The following TMEM143 variants were observed in gnomAD, a reference collection of about 807,000 sequenced individuals.
The protein encoded by TMEM143 is transmembrane protein 143.
In TMEM143, 45 loss-of-function variants were observed where a neutral mutation model predicts 40.3. The observed-to-expected ratio is 1.12, with a 90% CI of 0.88 to 1.43. The LOEUF (loss-of-function observed/expected upper bound fraction) is 1.43, where lower values mean the gene tolerates loss of function less well. Among genes scored for constraint, TMEM143 ranks in the 40% most tolerant of loss-of-function variants. The pLI is 0.00. For synonymous variants in TMEM143, 299 were observed against 282.7 expected, an observed-to-expected ratio of 1.06 and a Z score of -0.58; for missense variants, 620 against 613.4, an observed-to-expected ratio of 1.01 and a Z score of -0.11.
At chr19:48,348,025 CAAA>C (rs556686693) in intron 3 of TMEM143, among the ~76,000 whole-genome samples, 10 of 103,268 alleles carry the variant, frequency 9.7e-5, no homozygotes, top group Admixed American at 1.1e-4. Context: ...GACCCTGTCT[CAAA>C]AAAAAAAAAA....
At chr19:48,360,221 T>A in intron 2 of TMEM143, 45 bp from the exon 3 acceptor site, 4 of 1,573,064 alleles carry the variant, frequency 2.5e-6, no homozygotes, top group Non-Finnish European at 3.5e-6. Flanking sequence ...CTTTTCCCCT[T>A]CCCCGAGGGA....
intron 3 of TMEM143, among the ~76,000 whole-genome samples, chr19:48,359,700 G>A (rs1041503734): frequency 4.6e-5 from 7 of 151,866 alleles, no homozygotes; most frequent in African/African-American, 1.7e-4. Flanking sequence ...GTAGAGACGA[G>A]GTTTCACCGT....
chr19:48,363,666 C>A, intron 1 of TMEM143, 135 bp from the exon 2 acceptor site: 1 of 1,419,054 alleles, frequency 7.0e-7, no homozygotes, highest in Admixed American at 2.7e-5. Flanking sequence ...CTCAAAGCCC[C>A]TGTTGCCTGT....
Position 48,360,222 on chromosome 19 carries a change from C to T in TMEM143, c.265-46G>A, listed in dbSNP as rs367966921. The T allele has an allele frequency of 1.3e-4, 205 of 1,572,898 alleles. No homozygotes were observed. The African/African-American group carries it at 2.6e-3, about 20-fold the overall frequency. On this transcript the variant is annotated intron_variant, in intron 2 of 7. Coordinates refer to ENST00000293261, the MANE Select transcript of TMEM143 (RefSeq NM_018273.4). Reference sequence around the variant, plus strand: ...ACTTCTCTGTAGGCCTTTTCCCCTTCCCCGAGGGAAAGAATTCTTTCCCTG... The same window carrying T: ...ACTTCTCTGTAGGCCTTTTCCCCTTTCCCGAGGGAAAGAATTCTTTCCCTG...
rs1600904790 is a variant in TMEM143 at position 48,343,335 on chromosome 19, C to T, written c.681G>A (p.Leu227=). Reference sequence around the variant, plus strand: ...GGCCGCCTCACCTCTCCGCAGGGGGCAGCTTGGTGAAGAAGCCACGCCTGG... The same window carrying T: ...GGCCGCCTCACCTCTCCGCAGGGGGTAGCTTGGTGAAGAAGCCACGCCTGG... ...VGSRRGFFTK[L]PPAERRYFKR... is the part of the protein sequence containing the mutation. Residue 227 remains leucine, a synonymous_variant, in exon 5 of 8, where the codon CTG becomes CTA. Transcript: ENST00000293261. The T allele has an allele frequency of 3.1e-6, 5 of 1,610,882 alleles. No homozygotes were observed. The highest frequency in any genetic ancestry group is 4.5e-5 in the East Asian group (2 of 44,858).
At position 48,341,720 on chromosome 19, in the gene TMEM143, C is replaced by T. The variant is rs1470477244; in HGVS notation, c.975+810G>A. The stretch of plus-strand genomic sequence containing the variant: ...GCTGAGACACAGAGAGGTTAAGCAA[C>T]TTGTTCAAGATCACACAGCGAGAAG... On this transcript the variant is annotated intron_variant, in intron 6 of 7. Transcript: ENST00000293261. Among the ~76,000 whole-genome samples the T allele has an allele frequency of 5.9e-5, 9 of 152,242 alleles. 1 individual carries two copies. The East Asian group carries it at 1.7e-3, about 30-fold the overall frequency.
In TMEM143 at chr19:48,363,322, G is replaced by A; in HGVS notation, c.233C>T (p.Ser78Phe). The A allele has an allele frequency of 6.2e-7, 1 of 1,614,164 alleles. No homozygotes were observed. The highest frequency in any genetic ancestry group is 8.5e-7 in the Non-Finnish European group (1 of 1,180,022). ...TAGGAGGCGGAGCAGCTGCTCCTTG[G>A]AGAAGGGAATGAAGCGCTCGCGGTA... is the stretch of plus-strand genomic sequence containing the variant. ...QQYRERFIPF[S>F]KEQLLRLLIQ... The change falls in exon 2 of 8, where the codon TCC (serine) becomes TTC (phenylalanine). Residue 78 changes from serine to phenylalanine, a missense_variant. Physicochemically the swap from Ser to Phe is radical, Grantham distance 155. Transcript: ENST00000293261.
rs1270138138 is a variant in TMEM143, at chr19:48,345,170, T to C, written c.554A>G (p.Asp185Gly). The part of the protein sequence containing the change: ...AYALVVHHPQ[D>G]EVQVTVNLDQ... ...TAGGGAGCCAAGTACCTGGACCTCA[T>C]CCTGAGGGTGGTGGACCACCAGCGC... The change falls in exon 4 of 8, where the codon GAT (aspartate) becomes GGT (glycine). Residue 185 changes from aspartate (D) to glycine (G), a missense_variant. By Grantham distance (94) the Asp-to-Gly change is moderately conservative. Coordinates refer to ENST00000293261, the MANE Select transcript of TMEM143 (RefSeq NM_018273.4). The C allele has an allele frequency of 6.2e-7, 1 of 1,613,104 alleles. No homozygotes were observed. The highest frequency in any genetic ancestry group is 8.5e-7 in the Non-Finnish European group (1 of 1,179,562).
chr19:48,352,262 A>AAAACAAAACAAAAAAAAAAAAAAAAAAC (rs74518287), intron 3 of TMEM143, among the ~76,000 whole-genome samples: 1 of 145,062 alleles, frequency 6.9e-6, no homozygotes, highest in African/African-American at 2.6e-5. Context: ...AAAAAAAAAA[A>AAAACAAAACAAAAAAAAAAAAAAAAAAC]CACCATATCT....
chr19:48,332,751 T>C lies in TMEM143; in HGVS notation c.*468A>G, dbSNP rs1295634633. 6.5e-6 allele frequency: 1 copy of C among 153,728 alleles called. No homozygotes were observed. Among genetic ancestry groups the C allele is most frequent in the Middle Eastern group, 3.1e-3 (1 of 320 alleles). The allele number at this position is 153,728 out of a possible 1,614,324, so 9.5% of individuals were successfully genotyped here. On this transcript the variant is annotated 3_prime_UTR_variant, in exon 8 of 8. Coordinates refer to ENST00000293261, the MANE Select transcript of TMEM143 (RefSeq NM_018273.4). ...GTTGATGGAACCCAGCAGCTGTCACTGGACGTTTGCCAGGAGGCAGGGCTA... is the reference window on the plus strand; with the variant it reads ...GTTGATGGAACCCAGCAGCTGTCACCGGACGTTTGCCAGGAGGCAGGGCTA...
intron 3 of TMEM143, among the ~76,000 whole-genome samples, chr19:48,353,251 C>T (rs1969815101): frequency 1.3e-5 from 2 of 150,194 alleles, no homozygotes; most frequent in South Asian, 4.2e-4. Flanking sequence ...GTGATCTCGG[C>T]TCACTGCAAC....
chr19:48,338,036 C>CT (rs373297593), intron 6 of TMEM143, among the ~76,000 whole-genome samples: 3 of 110,904 alleles, frequency 2.7e-5, no homozygotes, highest in African/African-American at 1.1e-4. Context: ...CCCTTCAGCA[C>CT]TACCGCTGCC....
At chr19:48,354,427 G>A (rs983735447) in intron 3 of TMEM143, among the ~76,000 whole-genome samples, 1 of 151,620 alleles carries the variant, frequency 6.6e-6, no homozygotes, top group East Asian at 1.9e-4. Flanking sequence ...ACCACACCCA[G>A]CTAATTTTTG....
At chr19:48,341,335 T>A (rs1349875647) in intron 6 of TMEM143, among the ~76,000 whole-genome samples, 2 of 152,154 alleles carry the variant, frequency 1.3e-5, no homozygotes, top group Non-Finnish European at 2.9e-5. Flanking sequence ...TGTGCAACTG[T>A]TCAAGGCAGC....
intron 6 of TMEM143, among the ~76,000 whole-genome samples, chr19:48,336,564 G>A (rs1288667670): frequency 6.6e-6 from 1 of 151,872 alleles, no homozygotes; most frequent in Non-Finnish European, 1.5e-5. Context: ...TTAGTCAGGT[G>A]TGTGTCATGT....
rs761050575 is a variant in TMEM143 at position 48,363,890 on chromosome 19, T to G, written c.23+8A>C. 4 of 1,613,920 alleles carry G rather than the reference T, an allele frequency of 2.5e-6. No individual in the cohort carries two copies. The South Asian group carries it at 4.4e-5, about 18-fold the overall frequency. On this transcript the variant is annotated splice_region_variant and intron_variant, in intron 1 of 7. Coordinates refer to ENST00000293261, the MANE Select transcript of TMEM143 (RefSeq NM_018273.4). ...CCTGGCCATGCAATCCCCCGATTTC[T>G]CCCTCACCTTAGCCAAAGCTCGACT...
intron 3 of TMEM143, among the ~76,000 whole-genome samples, chr19:48,358,124 G>A (rs112065850): frequency 6.6e-6 from 1 of 152,286 alleles, no homozygotes; most frequent in African/African-American, 2.4e-5. Flanking sequence ...GGTGGCTCAC[G>A]TCTGTAATCC....
At position 48,333,149 on chromosome 19, in the gene TMEM143, T is replaced by C. The variant is rs1447463695; in HGVS notation, c.*70A>G. 8.2e-7 allele frequency: 1 copy of C among 1,221,850 alleles called. No homozygotes were observed. Among genetic ancestry groups the C allele is most frequent in the Non-Finnish European group, 1.1e-6 (1 of 910,206 alleles). 75.7% of individuals were successfully genotyped at this position (1,221,850 alleles called of 1,614,324 possible). A position where few individuals can be genotyped will look rare whatever the true frequency, so the allele number is the denominator to read the frequency against. On this transcript the variant is annotated 3_prime_UTR_variant, in exon 8 of 8. Transcript: ENST00000293261. The surrounding 1 kb of genome is among the most constrained non-coding windows in gnomAD (Gnocchi z 4.1). Reference sequence around the variant, plus strand: ...GAGTGAAAAGTATAATAACCGTAATTGACAGCCTGTCGTGAAGGAGGCGGG... The same window carrying C: ...GAGTGAAAAGTATAATAACCGTAATCGACAGCCTGTCGTGAAGGAGGCGGG...
At chr19:48,341,308 T>C (rs934030472) in intron 6 of TMEM143, among the ~76,000 whole-genome samples, 6 of 152,298 alleles carry the variant, frequency 3.9e-5, no homozygotes, top group South Asian at 2.1e-4. Context: ...CCACGAATCC[T>C]TGGATGGTGA....
Sources: allele counts gnomAD v4.1 joint callset (sites outside exome capture counted in the v4.1 genomes callset), GRCh38; gene constraint gnomAD v4.1.1; non-coding constraint Gnocchi (gnomAD v3.1); transcripts MANE v1.5; gene names NCBI Gene and HGNC (gene_info 2026-07-23, HGNC 2026-07-21).